The following PCYT2 variants were observed in gnomAD, a reference collection of about 807,000 sequenced individuals.
PCYT2 encodes the protein ethanolamine-phosphate cytidylyltransferase.
Under a neutral mutation model 50.0 loss-of-function variants are expected in PCYT2, and 33 were observed. The observed-to-expected ratio is 0.66, with a 90% confidence interval of 0.50 to 0.88. The LOEUF (loss-of-function observed/expected upper bound fraction) is 0.88. Among genes scored for constraint, PCYT2 ranks in the 40% least tolerant of loss-of-function variants. PCYT2 has a pLI of 0.00. For synonymous variants in PCYT2, 240 were observed against 203.7 expected (o/e 1.18, Z -1.52); for missense variants, 430 against 519.7 (o/e 0.83, Z 1.68).
rs2039961836 is a variant in PCYT2, at chr17:81,901,784, G to C, written c.*3049C>G. The C allele has an allele frequency of 6.6e-6, 1 of 152,530 alleles. No homozygotes were observed. The highest frequency in any genetic ancestry group is 1.5e-5 in the Non-Finnish European group (1 of 68,278). 9.4% of individuals were successfully genotyped at this position (152,530 alleles called of 1,614,324 possible). The stretch of plus-strand genomic sequence containing the variant: ...CCTGCTGGTGGAACCTTCCCCAGTG[G>C]GCATGAAAGAAATGAGGGCCCCACA... On this transcript the variant is annotated 3_prime_UTR_variant, in exon 13 of 13. Coordinates refer to ENST00000538936, the MANE Select transcript of PCYT2 (RefSeq NM_002861.5).
At chr17:81,911,107 C>T (rs1211146672) in intron 1 of PCYT2, 160 bp downstream of exon 1, 1 of 1,002,520 alleles carries the variant, frequency 1.0e-6, no homozygotes, top group Non-Finnish European at 1.2e-6. Context: ...TGCAGCCCGA[C>T]CCTCCCGGCA....
In PCYT2 at chr17:81,904,931, C is replaced by T. The variant is rs946931625; in HGVS notation, c.1072G>A (p.Ala358Thr). Residue 358 changes from alanine to threonine, a missense_variant, in exon 13 of 13, where the codon GCG becomes ACG. Ala to Thr is a moderately conservative substitution (Grantham distance 58). Around this residue, in one of 4 missense-constraint regions of PCYT2, gnomAD observed 248 missense variants for 300.2 expected, o/e 0.83. Coordinates refer to ENST00000538936, the MANE Select transcript of PCYT2 (RefSeq NM_002861.5). ...TTGGCTTCCTTCTTCTGGTTTCGCG[C>T]CTCATACTCCAACCTGAGAGGGCAG... ...RIITNRLEYE[A>T]RNQKKEAKEL... 7.5e-6 allele frequency: 12 copies of T among 1,610,046 alleles called. No homozygotes were observed. The Admixed American group carries it at 8.4e-5, about 11-fold the overall frequency.
In PCYT2 at chr17:81,905,601, C is replaced by T. The variant is rs1232847495; in HGVS notation, c.903+69G>A. On this transcript the variant is annotated intron_variant, in intron 10 of 12. Coordinates refer to ENST00000538936, the MANE Select transcript of PCYT2 (RefSeq NM_002861.5). ...CCCCGCCTAGGAGCCCACAGCCAGC[C>T]TGCATTCCCAGCCCATGCAGGAACA... The T allele has an allele frequency of 2.0e-6, 3 of 1,534,092 alleles. No individual in the cohort carries two copies. In the East Asian group the frequency reaches 6.8e-5, roughly 35 times the overall value.
In PCYT2 at chr17:81,906,622, C is replaced by T. The variant is rs949463896; in HGVS notation, c.677-76G>A. The T allele has an allele frequency of 3.7e-5, 58 of 1,571,684 alleles. No homozygotes were observed. The East Asian group carries it at 3.8e-4, about 10-fold the overall frequency. On this transcript the variant is annotated intron_variant, in intron 7 of 12. Coordinates refer to ENST00000538936, the MANE Select transcript of PCYT2 (RefSeq NM_002861.5). ...CCTGACAGCTCATGCCCAAGGGCCT[C>T]CCCGCCATCCTCCCTGCTGACAGCT...
rs2039976314 is a variant in PCYT2 at position 81,902,158 on chromosome 17, G to A, written c.*2675C>T. 4 of 728,850 alleles carry A rather than the reference G, an allele frequency of 5.5e-6. No homozygotes were observed. The highest frequency in any genetic ancestry group is 6.8e-5 in the South Asian group (1 of 14,610). The allele number at this position is 728,850 out of a possible 1,614,324, so 45.1% of individuals were successfully genotyped here. On this transcript the variant is annotated 3_prime_UTR_variant, in exon 13 of 13. Transcript: ENST00000538936. ...GCGCGCGCCCGCTGCACCCCAGCCC[G>A]CCCGCCGCCCCTCCCGGCCCTCCGC...
At position 81,907,630 on chromosome 17, in the gene PCYT2, C is replaced by T. The variant is rs775352002; in HGVS notation, c.493-32G>A. On this transcript the variant is annotated intron_variant, in intron 5 of 12. Transcript: ENST00000538936. ...AGAAGGTCAGAGCAGGGCTGAGGGG[C>T]CTGCCCTCCCGGCGTGGCCACCCCA... The T allele has an allele frequency of 3.7e-6, 6 of 1,609,228 alleles. No individual in the cohort carries two copies. In the Admixed American group the frequency reaches 8.4e-5, roughly 23 times the overall value.
intron 6 of PCYT2, 64 bp downstream of exon 6, chr17:81,907,490 G>A: frequency 6.6e-7 from 1 of 1,519,516 alleles, no homozygotes; most frequent in Non-Finnish European, 9.0e-7. Context: ...GGATGGCTGG[G>A]ACAGGTGGCC....
rs1037157755 is a variant in PCYT2 at position 81,902,495 on chromosome 17, A to G, written c.*2338T>C. 2.8e-6 allele frequency: 4 copies of G among 1,415,714 alleles called. No individual in the cohort carries two copies. Among genetic ancestry groups the G allele is most frequent in the Admixed American group, 3.2e-5 (1 of 31,332 alleles). The allele number at this position is 1,415,714 out of a possible 1,614,324, so 87.7% of individuals were successfully genotyped here. A position where few individuals can be genotyped will look rare whatever the true frequency, so the allele number is the denominator to read the frequency against. On this transcript the variant is annotated 3_prime_UTR_variant, in exon 13 of 13. Transcript: ENST00000538936. ...CCGGGCGGGGCCGGCGCCTCCCCGG[A>G]GCTGCAACTGCACCCCAGGCTGCGG...
At chr17:81,906,946 G>A (rs750918431) in intron 6 of PCYT2, 48 bp from the exon 7 acceptor site, 2 of 1,590,488 alleles carry the variant, frequency 1.3e-6, no homozygotes, top group East Asian at 2.2e-5. Flanking sequence ...CCTCCCAGGT[G>A]CTGCCCTCAC....
chr17:81,901,315 C>G lies in PCYT2; in HGVS notation c.*3518G>C, dbSNP rs575616854. The G allele has an allele frequency of 6.6e-6, 1 of 152,352 alleles. No individual in the cohort carries two copies. The highest frequency in any genetic ancestry group is 1.9e-4 in the East Asian group (1 of 5,188). The allele number at this position is 152,352 out of a possible 1,614,324, so 9.4% of individuals were successfully genotyped here. A position where few individuals can be genotyped will look rare whatever the true frequency, so the allele number is the denominator to read the frequency against. ...CTGGCAGCCGATTAGGTGGTGCCCACCTGGATTGAGGGTGGGTCTGCCTCT... is the reference window on the plus strand; with the variant it reads ...CTGGCAGCCGATTAGGTGGTGCCCAGCTGGATTGAGGGTGGGTCTGCCTCT... On this transcript the variant is annotated 3_prime_UTR_variant, in exon 13 of 13. Coordinates refer to ENST00000538936, the MANE Select transcript of PCYT2 (RefSeq NM_002861.5).
In PCYT2 at chr17:81,906,913, A is replaced by AG; in HGVS notation, c.538-16dup. 1 of 1,611,242 alleles carries AG rather than the reference A, an allele frequency of 6.2e-7. No homozygotes were observed. Among genetic ancestry groups the AG allele is most frequent in the South Asian group, 1.1e-5 (1 of 90,926 alleles). On this transcript the variant is annotated splice_polypyrimidine_tract_variant and intron_variant, in intron 6 of 12. Coordinates refer to ENST00000538936, the MANE Select transcript of PCYT2 (RefSeq NM_002861.5). ...CCACCAGGGCACTGCAAGCCAAGAG[A>AG]GGGAGCAGGTTGGCGGGGGAGGCCT...
intron 9 of PCYT2, 160 bp from the exon 10 acceptor site, chr17:81,905,895 CAAG>C: frequency 3.8e-6 from 3 of 794,714 alleles, no homozygotes; most frequent in Non-Finnish European, 6.4e-6. Context: ...CTCCATGAGA[CAAG>C]AAGGAACAGC....
intron 5 of PCYT2, 59 bp downstream of exon 5, chr17:81,907,714 C>T (rs2040352911): frequency 6.3e-6 from 10 of 1,587,572 alleles, no homozygotes; most frequent in Non-Finnish European, 8.6e-6. Context: ...AGGGAGGTGC[C>T]CCTCCTTTCC....
intron 2 of PCYT2, 117 bp downstream of exon 2, chr17:81,909,397 C>T: frequency 2.1e-6 from 3 of 1,440,576 alleles, no homozygotes; most frequent in Non-Finnish European, 2.8e-6. Flanking sequence ...GCCTACAGTG[C>T]CCTCCCCTAC....
chr17:81,905,890 T>C (rs2143670648), intron 9 of PCYT2, 155 bp from the exon 10 acceptor site: 4 of 826,142 alleles, frequency 4.8e-6, no homozygotes, highest in South Asian at 2.9e-5. Context: ...GGCTCCTCCA[T>C]GAGACAAGAA....
Position 81,906,857 on chromosome 17 carries a change from G to A in PCYT2, c.579C>T (p.Phe193=). The change falls in exon 7 of 13, where the codon TTC becomes TTT. Residue 193 remains phenylalanine, a synonymous_variant. Coordinates refer to ENST00000538936, the MANE Select transcript of PCYT2 (RefSeq NM_002861.5). ...GGATGATCTTCTGAGATGTCTGCAG[G>A]AACTGGGATACCCCGGTCCAGGGGT... ...GRNPWTGVSQ[F]LQTSQKIIQF... The A allele has an allele frequency of 6.2e-7, 1 of 1,613,380 alleles. No individual in the cohort carries two copies. The highest frequency in any genetic ancestry group is 8.5e-7 in the Non-Finnish European group (1 of 1,179,958).
At chr17:81,907,189 C>T (rs1354946269) in intron 6 of PCYT2, 1 of 1,525,826 alleles carries the variant, frequency 6.6e-7, no homozygotes, top group East Asian at 2.4e-5. Flanking sequence ...TACCCTGAGA[C>T]CACTGTCTGG....
At chr17:81,909,149 G>A in intron 2 of PCYT2, 112 bp from the exon 3 acceptor site, 2 of 1,514,314 alleles carry the variant, frequency 1.3e-6, no homozygotes, top group Admixed American at 2.2e-5. Flanking sequence ...GTGGGGGCAG[G>A]CTGTCTCTCT....
In PCYT2 at chr17:81,905,060, C is replaced by T. The variant is rs866765965; in HGVS notation, c.1058+6G>A. On this transcript the variant is annotated splice_donor_region_variant and intron_variant, in intron 12 of 12. Transcript: ENST00000538936. ...GCGGCTCCGAGGTGCCCCCACCCAA[C>T]TGCACCTGTTGGTGATGATCCGCTG... is the stretch of plus-strand genomic sequence containing the variant. 11 of 1,609,390 alleles carry T rather than the reference C, an allele frequency of 6.8e-6. No homozygotes were observed. The Middle Eastern group carries it at 1.3e-3, about 194-fold the overall frequency.
Sources: gnomAD v4.1 joint callset for allele counts on GRCh38, gnomAD v4.1.1 for gene constraint, gnomAD v4.1.1 regional missense constraint, MANE v1.5 for transcripts, NCBI Gene and HGNC (gene_info 2026-07-23, HGNC 2026-07-21) for gene names.